The following GRID2 variants were observed in gnomAD, a reference collection of about 807,000 sequenced individuals.
GRID2 encodes the protein glutamate ionotropic receptor delta type subunit 2, also known as glutamate receptor ionotropic, delta-2.
GRID2 carries 33 observed loss-of-function variants against 114.8 expected under a neutral mutation model. The ratio of observed to expected loss-of-function variants is 0.29; its 90% CI spans 0.22 to 0.38. GRID2 has a LOEUF of 0.38. GRID2 is among the 10% of genes least tolerant of loss of function. The pLI is 1.00. For missense variants in GRID2, 1,184 were observed against 1,257.7 expected (o/e 0.94, Z 0.89); for synonymous variants, 505 against 449.9 (o/e 1.12, Z -1.55).
chr4:92,873,529 T>C (rs568866659), intron 2 of GRID2, among the ~76,000 whole-genome samples: 3 of 152,160 alleles, frequency 2.0e-5, no homozygotes, highest in Non-Finnish European at 4.4e-5. Context: ...TTGATTTTTA[T>C]GTCTAGGTTT....
intron 2 of GRID2, among the ~76,000 whole-genome samples, chr4:92,672,397 T>C (rs1457338051): frequency 6.6e-6 from 1 of 152,170 alleles, no homozygotes; most frequent in Non-Finnish European, 1.5e-5. Flanking sequence ...TTAATATGAA[T>C]ACCCAATGTT....
At chr4:92,999,997 G>T (rs1755439547) in intron 2 of GRID2, among the ~76,000 whole-genome samples, 1 of 151,544 alleles carries the variant, frequency 6.6e-6, no homozygotes, top group African/African-American at 2.4e-5. Flanking sequence ...TAATAAAAAG[G>T]AAACTTGTTT....
intron 2 of GRID2, among the ~76,000 whole-genome samples, chr4:92,644,592 A>G (rs1191560842): frequency 1.3e-5 from 2 of 151,670 alleles, no homozygotes; most frequent in African/African-American, 2.4e-5. Flanking sequence ...GTGTTCCTTG[A>G]ACAAATTATA....
intron 13 of GRID2, among the ~76,000 whole-genome samples, chr4:93,552,739 T>C (rs1733892171): frequency 6.6e-6 from 1 of 152,156 alleles, no homozygotes; most frequent in Non-Finnish European, 1.5e-5. Flanking sequence ...ACCCATCAAC[T>C]CTTCATTTAC....
chr4:92,597,143 AT>A (rs1295993180), intron 2 of GRID2, among the ~76,000 whole-genome samples: 1 of 152,016 alleles, frequency 6.6e-6, no homozygotes, highest in East Asian at 1.9e-4. Flanking sequence ...AAGAAGTTTA[AT>A]TGACTCACAG....
At chr4:93,772,004 A>G in intron 15 of GRID2, 72 bp from the exon 16 acceptor site, 1 of 860,174 alleles carries the variant, frequency 1.2e-6, no homozygotes, top group Non-Finnish European at 1.9e-6. Flanking sequence ...ATGTTTGCTG[A>G]ACTACTTTTT....
At chr4:92,700,651 T>G (rs148555519) in intron 2 of GRID2, among the ~76,000 whole-genome samples, 2 of 152,182 alleles carry the variant, frequency 1.3e-5, no homozygotes, top group African/African-American at 4.8e-5. Context: ...GAATATTTTA[T>G]GGATGCGGAT....
At chr4:93,422,663 A>C (rs1460966657) in intron 9 of GRID2, 108 bp from the exon 10 acceptor site, 1 of 684,446 alleles carries the variant, frequency 1.5e-6, no homozygotes, top group Non-Finnish European at 2.5e-6. Flanking sequence ...TGATTCTTTC[A>C]AAGTATAAAA....
chr4:93,013,706 T>G (rs1199722921), intron 2 of GRID2, among the ~76,000 whole-genome samples: 2 of 152,014 alleles, frequency 1.3e-5, no homozygotes, highest in Admixed American at 1.3e-4. Context: ...TAAATCTGTA[T>G]TTGCACAAAG....
chr4:93,613,392 G>T lies in GRID2; in HGVS notation c.2194-12877G>T, dbSNP rs1236127634. Among the ~76,000 whole-genome samples the T allele has an allele frequency of 5.6e-5, 7 of 124,336 alleles. No homozygotes were observed. The East Asian group carries it at 1.0e-3, about 18-fold the overall frequency. 81.6% of individuals were successfully genotyped at this position (124,336 alleles called of 152,430 possible). A position where few individuals can be genotyped will look rare whatever the true frequency, so the allele number is the denominator to read the frequency against. ...CTTTGGAGGAGGAGAGGCGCTCTGC[G>T]TTTTAGAGTTTCCAGTTTTTCTGTT... On this transcript the variant is annotated intron_variant, in intron 13 of 15. Transcript: ENST00000282020.
intron 2 of GRID2, among the ~76,000 whole-genome samples, chr4:92,934,108 T>G (rs1237025924): frequency 6.6e-6 from 1 of 151,756 alleles, no homozygotes; most frequent in Non-Finnish European, 1.5e-5. Context: ...AAATGCTTTT[T>G]TCCTACTTTA....
chr4:92,629,756 C>T (rs1370283862), intron 2 of GRID2, among the ~76,000 whole-genome samples: 2 of 147,820 alleles, frequency 1.4e-5, no homozygotes, highest in African/African-American at 2.5e-5. Flanking sequence ...AACTGAAGCA[C>T]ATATTTTAAA....
intron 13 of GRID2, among the ~76,000 whole-genome samples, chr4:93,615,879 C>T (rs1741588379): frequency 6.6e-6 from 1 of 151,902 alleles, no homozygotes; most frequent in African/African-American, 2.4e-5. Context: ...TTTCAAAAAT[C>T]ATCAAGCAAG....
intron 2 of GRID2, among the ~76,000 whole-genome samples, chr4:92,802,229 C>T (rs939770646): frequency 6.6e-6 from 1 of 151,848 alleles, no homozygotes; most frequent in Non-Finnish European, 1.5e-5. Context: ...TCACAGCCTT[C>T]TCCATTATCA....
intron 14 of GRID2, among the ~76,000 whole-genome samples, chr4:93,675,299 TA>T (rs1724754743): frequency 1.3e-5 from 2 of 151,752 alleles, no homozygotes; most frequent in South Asian, 4.1e-4. Flanking sequence ...CCACATTATC[TA>T]ACAGTTTTTT....
chr4:93,630,351 T>C lies in GRID2; in HGVS notation c.2360+3916T>C, dbSNP rs111318178. 4.6e-5 allele frequency among the ~76,000 whole-genome samples: 7 copies of C among 152,292 alleles called. No homozygotes were observed. The East Asian group carries it at 1.3e-3, about 29-fold the overall frequency. The stretch of plus-strand genomic sequence containing the variant: ...GTCATATGTTGCCTCATTAAAGGCA[T>C]TCAAGAATGAAGAAAACTGAATTTT... On this transcript the variant is annotated intron_variant, in intron 14 of 15. Transcript: ENST00000282020.
chr4:93,407,069 A>G (rs1466876719), intron 9 of GRID2, among the ~76,000 whole-genome samples: 2 of 152,158 alleles, frequency 1.3e-5, no homozygotes, highest in Non-Finnish European at 2.9e-5. Context: ...CCCTCCCAAA[A>G]TGCTGCAGTC....
intron 11 of GRID2, among the ~76,000 whole-genome samples, chr4:93,490,206 G>A (rs1726845488): frequency 6.7e-6 from 1 of 149,266 alleles, no homozygotes; most frequent in Non-Finnish European, 1.5e-5. Context: ...AACAAGCTAT[G>A]TTTCTAGAGA....
intron 2 of GRID2, among the ~76,000 whole-genome samples, chr4:92,601,884 C>T (rs954407010): frequency 2.0e-5 from 3 of 152,112 alleles, no homozygotes; most frequent in Admixed American, 1.3e-4. Flanking sequence ...CTATAAACAC[C>T]TCTATGCAAA....
Sources: gnomAD v4.1 joint callset for allele counts (sites outside exome capture counted in the v4.1 genomes callset) on GRCh38, gnomAD v4.1.1 for gene constraint, MANE v1.5 for transcripts, NCBI Gene and HGNC (gene_info 2026-07-23, HGNC 2026-07-21) for gene names.